The following FAR2 variants were observed in gnomAD, a reference collection of about 807,000 sequenced individuals.
The protein encoded by FAR2 is fatty acyl-CoA reductase 2.
Under a neutral mutation model 56.0 loss-of-function variants are expected in FAR2, and 19 were observed. The ratio of observed to expected loss-of-function variants is 0.34; its 90% CI spans 0.24 to 0.50. FAR2 has a LOEUF of 0.50. FAR2 is among the 20% of genes least tolerant of loss of function. The probability of loss-of-function intolerance (pLI) is 0.98; values close to 1 mark genes in which losing one functional copy is unlikely to be tolerated. For synonymous variants in FAR2, 219 were observed against 218.8 expected, an observed-to-expected ratio of 1.00 and a Z score of -0.01; for missense variants, 508 against 642.2, an observed-to-expected ratio of 0.79 and a Z score of 2.26.
chr12:29,198,115 C>CA (rs1242669393), intron 1 of FAR2, among the ~76,000 whole-genome samples: 1 of 152,100 alleles, frequency 6.6e-6, no homozygotes, highest in Non-Finnish European at 1.5e-5. Flanking sequence ...AAAAGAAAAG[C>CA]AAAAAACATG....
chr12:29,253,367 C>CTATATATCGA (rs1948263638), intron 1 of FAR2, among the ~76,000 whole-genome samples: 2 of 141,082 alleles, frequency 1.4e-5, no homozygotes, highest in African/African-American at 5.1e-5. Flanking sequence ...ATACAGATAT[C>CTATATATCGA]TATCTATCTA....
intron 2 of FAR2, chr12:29,291,627 C>A (rs1948969420): frequency 2.9e-6 from 1 of 349,768 alleles, no homozygotes; most frequent in South Asian, 2.2e-5. Flanking sequence ...TGGGATAGGA[C>A]CCAGGAATAT....
chr12:29,200,403 A>T (rs761445126), intron 1 of FAR2, among the ~76,000 whole-genome samples: 4 of 152,190 alleles, frequency 2.6e-5, no homozygotes, highest in Admixed American at 2.0e-4. Context: ...AAGCCGAAAG[A>T]GTGGCACGGC....
At chr12:29,184,914 A>T (rs372584796) in intron 1 of FAR2, among the ~76,000 whole-genome samples, 38 of 152,306 alleles carry the variant, frequency 2.5e-4, no homozygotes, top group African/African-American at 8.9e-4. Context: ...TCATCAGCCT[A>T]GTCATCAGAT....
chr12:29,332,991 C>T (rs978529600), intron 11 of FAR2: 3 of 497,354 alleles, frequency 6.0e-6, no homozygotes, highest in Non-Finnish European at 7.6e-6. Flanking sequence ...ATGGTAATTG[C>T]ATAGTAAGTC....
intron 10 of FAR2, among the ~76,000 whole-genome samples, chr12:29,327,546 C>T (rs1949668816): frequency 6.6e-6 from 1 of 152,114 alleles, no homozygotes; most frequent in Non-Finnish European, 1.5e-5. Context: ...GTACTGGCAC[C>T]AAAACAGAGA....
chr12:29,322,106 G>A (rs540178973), intron 10 of FAR2, among the ~76,000 whole-genome samples, 182 bp downstream of exon 10: 14 of 152,330 alleles, frequency 9.2e-5, no homozygotes, highest in African/African-American at 3.4e-4. Flanking sequence ...CAAGTTTAAT[G>A]TAAGTAAGAA....
chr12:29,332,747 TA>T lies in FAR2; in HGVS notation c.1385+22del. ...AAAAAGGTAAGTATAATCAGTCAGT[TA>T]ATATTTATTGAGCACCTACTGTGCA... On this transcript the variant is annotated intron_variant, in intron 11 of 11. Coordinates refer to ENST00000536681, the MANE Select transcript of FAR2 (RefSeq NM_001271783.2). The T allele has an allele frequency of 1.2e-6, 2 of 1,604,930 alleles. No homozygotes were observed. Among genetic ancestry groups the T allele is most frequent in the Non-Finnish European group, 1.7e-6 (2 of 1,174,626 alleles).
chr12:29,165,077 C>A (rs1216523827), intron 1 of FAR2, among the ~76,000 whole-genome samples: 1 of 152,146 alleles, frequency 6.6e-6, no homozygotes, highest in Admixed American at 6.5e-5. Flanking sequence ...ATTAATGTAG[C>A]TGAAGTTGCT....
In FAR2 at chr12:29,318,409, C is replaced by T. The variant is rs770559125; in HGVS notation, c.1127+1397C>T. ...AAAATATATCAGGATTGGAAGAGGGCCTGCATAAAGAACAAAGTTCAGTTA... is the reference window on the plus strand; with the variant it reads ...AAAATATATCAGGATTGGAAGAGGGTCTGCATAAAGAACAAAGTTCAGTTA... On this transcript the variant is annotated intron_variant, in intron 9 of 11. Transcript: ENST00000536681. 5.9e-5 allele frequency among the ~76,000 whole-genome samples: 9 copies of T among 152,102 alleles called. No individual in the cohort carries two copies. The East Asian group carries it at 1.4e-3, about 23-fold the overall frequency.
At chr12:29,303,675 G>A (rs1016697517) in intron 4 of FAR2, among the ~76,000 whole-genome samples, 1 of 152,054 alleles carries the variant, frequency 6.6e-6, no homozygotes, top group African/African-American at 2.4e-5. Flanking sequence ...TTTTGCCTTC[G>A]TGCTATAGAA....
intron 1 of FAR2, chr12:29,171,570 C>T (rs114870123): frequency 0.038 from 5,788 of 152,022 alleles, 310 homozygotes; most frequent in African/African-American, 0.12. Flanking sequence ...TGCCCAGCTG[C>T]CGCCCCATCT....
intron 1 of FAR2, among the ~76,000 whole-genome samples, chr12:29,245,633 C>T (rs1426333243): frequency 6.6e-6 from 1 of 152,168 alleles, no homozygotes; most frequent in East Asian, 1.9e-4. Flanking sequence ...AGATGTGTTT[C>T]TTGTCTCATT....
At chr12:29,210,803 T>G (rs1321128968) in intron 1 of FAR2, among the ~76,000 whole-genome samples, 1 of 152,070 alleles carries the variant, frequency 6.6e-6, no homozygotes, top group East Asian at 1.9e-4. Context: ...AATAGAAAAC[T>G]TAATCGGGTG....
chr12:29,294,649 C>T (rs1473051417), intron 3 of FAR2, among the ~76,000 whole-genome samples: 3 of 152,204 alleles, frequency 2.0e-5, no homozygotes, highest in Admixed American at 6.5e-5. Flanking sequence ...TGTGCCTGGC[C>T]ATTAAATTCT....
intron 1 of FAR2, among the ~76,000 whole-genome samples, chr12:29,176,407 G>T (rs1010809697): frequency 2.6e-5 from 4 of 152,204 alleles, no homozygotes; most frequent in African/African-American, 9.7e-5. Context: ...GTGAAAGCAG[G>T]CAGGTCATCT....
chr12:29,153,808 G>A (rs1001407177), intron 1 of FAR2, among the ~76,000 whole-genome samples: 5 of 152,048 alleles, frequency 3.3e-5, no homozygotes, highest in African/African-American at 1.2e-4. Context: ...ATGGGAGGTG[G>A]GAGAGGCAGA....
intron 1 of FAR2, among the ~76,000 whole-genome samples, chr12:29,253,250 G>A (rs7316822): frequency 5.3e-4 from 24 of 45,406 alleles, no homozygotes; most frequent in African/African-American, 2.1e-3. Context: ...TCTATATATC[G>A]ATATCTATCT....
intron 1 of FAR2, among the ~76,000 whole-genome samples, chr12:29,189,719 G>A (rs970932048): frequency 2.0e-5 from 3 of 152,086 alleles, no homozygotes; most frequent in Non-Finnish European, 2.9e-5. Flanking sequence ...CTAATACACT[G>A]CCACAGGGCT....
Sources: gnomAD v4.1 joint callset for allele counts (sites outside exome capture counted in the v4.1 genomes callset) on GRCh38, gnomAD v4.1.1 for gene constraint, MANE v1.5 for transcripts, NCBI Gene and HGNC (gene_info 2026-07-23, HGNC 2026-07-21) for gene names.